Variants in ARSD observed in about 807,000 individuals in gnomAD.
ARSD encodes the protein testis tissue sperm-binding protein Li 39a.
In ARSD, 21 loss-of-function variants were observed where a neutral mutation model predicts 32.6. The observed-to-expected ratio is 0.64, with a 90% confidence interval of 0.46 to 0.93. The LOEUF is 0.93. ARSD is among the 40% of genes least tolerant of loss of function. ARSD has a pLI of 0.00. For synonymous variants in ARSD, 224 were observed against 237.4 expected, an observed-to-expected ratio of 0.94 and a Z score of 0.52; for missense variants, 454 against 520.9, an observed-to-expected ratio of 0.87 and a Z score of 1.25.
At chrX:2,909,775 A>G (rs2088886334) in intron 8 of ARSD, 42 bp downstream of exon 8, 1 of 1,125,499 alleles carries the variant, frequency 8.9e-7, no homozygotes, top group Non-Finnish European at 1.2e-6. Flanking sequence ...ACTAAAAACA[A>G]TTAAAAAAAA....
In ARSD at chrX:2,926,739, C is replaced by T. The variant is rs368882361; in HGVS notation, c.45-974G>A. ...GTTCATCTGAGCTAACAAAGTCTCC[C>T]GTGCTTTAACCCTGTAAGAAAAGTA... On this transcript the variant is annotated intron_variant, in intron 1 of 9. Coordinates refer to ENST00000381154, the MANE Select transcript of ARSD (RefSeq NM_001669.4). Among the ~76,000 whole-genome samples the T allele has an allele frequency of 1.9e-4, 21 of 112,281 alleles. No homozygotes were observed. The East Asian group carries it at 5.6e-3, about 30-fold the overall frequency.
Position 2,904,951 on chromosome X carries a change from T to C in ARSD, c.*2320A>G. On this transcript the variant is annotated 3_prime_UTR_variant, in exon 10 of 10. Transcript: ENST00000381154. ...TTTTTTGGTTATGCCAGGTGTCTCC[T>C]GTGTGTCCCTCCAGATCCCTCTCCA... The C allele has an allele frequency of 3.1e-6, 1 of 321,723 alleles. No individual in the cohort carries two copies. Among genetic ancestry groups the C allele is most frequent in the Non-Finnish European group, 6.1e-6 (1 of 162,718 alleles). The allele number at this position is 321,723 out of a possible 1,213,427, so 26.5% of individuals were successfully genotyped here.
intron 5 of ARSD, among the ~76,000 whole-genome samples, chrX:2,917,291 C>A (rs1405435114): frequency 3.1e-4 from 34 of 109,335 alleles, no homozygotes; most frequent in Non-Finnish European, 5.3e-4. Flanking sequence ...GCGTGTATGT[C>A]AATGCTATTC....
At chrX:2,908,462 A>G (rs2088872595) in intron 9 of ARSD, among the ~76,000 whole-genome samples, 1 of 104,475 alleles carries the variant, frequency 9.6e-6, no homozygotes, top group Non-Finnish European at 2.0e-5. Flanking sequence ...TTATCTATCC[A>G]TCATCCATCT....
At chrX:2,914,656 G>C in intron 6 of ARSD, 3 of 1,027,003 alleles carry the variant, frequency 2.9e-6, no homozygotes, top group Non-Finnish European at 3.9e-6. Flanking sequence ...CAGCCTCACT[G>C]GTCCTCTCCA....
In ARSD at chrX:2,921,963, C is replaced by T. The variant is rs772412380; in HGVS notation, c.256G>A (p.Ala86Thr). The T allele has an allele frequency of 5.0e-6, 6 of 1,209,187 alleles. No homozygotes were observed. The highest frequency in any genetic ancestry group is 4.4e-5 in the Admixed American group (2 of 45,630). The part of the protein sequence containing the change: ...GVRLTQHLAA[A>T]PLCTPSRAAF... ...GCTCGGCTTGGGGTGCAGAGCGGGGCGGCCGCCAGGTGCTGAGTGAGCCTC... is the reference window on the plus strand; with the variant it reads ...GCTCGGCTTGGGGTGCAGAGCGGGGTGGCCGCCAGGTGCTGAGTGAGCCTC... Residue 86 changes from alanine (A) to threonine (T), a missense_variant, in exon 3 of 10, where the codon GCC becomes ACC. By Grantham distance (58) the Ala-to-Thr change is moderately conservative. This residue lies in a region of ARSD where 271 missense variants were observed against 301.0 expected (regional missense o/e 0.90). Transcript: ENST00000381154.
In ARSD at chrX:2,907,459, CG is replaced by C. The variant is rs780309524; in HGVS notation, c.1593del (p.Asp532ThrfsTer9). ...ACGGCGTGGTACAGGGGCTCGGAGT[CG>C]GGGGTCAGGGGCCGTGCCTCGGAGG... ...RDPSEARPLT[P>X]DSEPLYHAVI... is the part of the protein sequence containing the mutation. On this transcript the variant is annotated frameshift_variant, in exon 10 of 10. Coordinates refer to ENST00000381154, the MANE Select transcript of ARSD (RefSeq NM_001669.4). LOFTEE classifies it low-confidence loss of function (END_TRUNC). 2 of 1,210,061 alleles carry C rather than the reference CG, an allele frequency of 1.7e-6. No individual in the cohort carries two copies. Among genetic ancestry groups the C allele is most frequent in the Non-Finnish European group, 2.2e-6 (2 of 894,610 alleles).
Position 2,918,517 on chromosome X carries a change from G to A in ARSD, c.440-290C>T, listed in dbSNP as rs2088996134. 4.5e-5 allele frequency among the ~76,000 whole-genome samples: 5 copies of A among 111,648 alleles called. No individual in the cohort carries two copies. In the South Asian group the frequency reaches 1.9e-3, roughly 42 times the overall value. On this transcript the variant is annotated intron_variant, in intron 4 of 9. Transcript: ENST00000381154. ...TGTAATCCCAGCCCTTTGGGAGGCCGAGGCGGGCGGATCACGAGGTCAGGA... is the reference window on the plus strand; with the variant it reads ...TGTAATCCCAGCCCTTTGGGAGGCCAAGGCGGGCGGATCACGAGGTCAGGA...
chrX:2,925,948 G>A (rs2089078999), intron 1 of ARSD, among the ~76,000 whole-genome samples, 183 bp from the exon 2 acceptor site: 1 of 111,718 alleles, frequency 9.0e-6, no homozygotes, highest in Non-Finnish European at 1.9e-5. Context: ...CCGAGGGTCA[G>A]ACTGCTATTT....
At chrX:2,927,786 C>G (rs2089099122) in intron 1 of ARSD, among the ~76,000 whole-genome samples, 1 of 107,482 alleles carries the variant, frequency 9.3e-6, no homozygotes, top group Admixed American at 9.8e-5. Context: ...GATGTTTGCA[C>G]AGGAGTGTGA....
chrX:2,929,195 G>A (rs1227889842), intron 1 of ARSD, 37 bp downstream of exon 1: 1 of 1,032,254 alleles, frequency 9.7e-7, no homozygotes. Flanking sequence ...CCCCACCCTA[G>A]GCCTTAGTAT....
rs9334 is a variant in ARSD at position 2,904,212 on chromosome X, C to T, written c.*3059G>A. The stretch of plus-strand genomic sequence containing the variant: ...CACCTCATGGCTCTGGGAAGGCATG[C>T]TGAGACCCGTTTTTGCAAGTCCTGA... On this transcript the variant is annotated 3_prime_UTR_variant, in exon 10 of 10. Transcript: ENST00000381154. 0.16 allele frequency: 17,813 copies of T among 110,660 alleles called. 2,094 individuals carry two copies. The highest frequency in any genetic ancestry group is 0.43 in the East Asian group (1,485 of 3,434). 9.1% of individuals were successfully genotyped at this position (110,660 alleles called of 1,213,427 possible).
At position 2,925,610 on chromosome X, in the gene ARSD, C is replaced by T; in HGVS notation, c.194+6G>A. The T allele has an allele frequency of 1.7e-6, 2 of 1,205,319 alleles. No homozygotes were observed. Among genetic ancestry groups the T allele is most frequent in the Non-Finnish European group, 2.2e-6 (2 of 892,661 alleles). Reference sequence around the variant, plus strand: ...CATCATCACCAATAGCAACAACCAACTGTACCTCAGTGTATTGTTCCCGTA... The same window carrying T: ...CATCATCACCAATAGCAACAACCAATTGTACCTCAGTGTATTGTTCCCGTA... On this transcript the variant is annotated splice_donor_region_variant and intron_variant, in intron 2 of 9. Coordinates refer to ENST00000381154, the MANE Select transcript of ARSD (RefSeq NM_001669.4).
chrX:2,904,934 T>C lies in ARSD; in HGVS notation c.*2337A>G. 7.3e-6 allele frequency: 2 copies of C among 273,618 alleles called. No homozygotes were observed. Among genetic ancestry groups the C allele is most frequent in the Non-Finnish European group, 1.4e-5 (2 of 142,698 alleles). The allele number at this position is 273,618 out of a possible 1,213,427, so 22.5% of individuals were successfully genotyped here. The stretch of plus-strand genomic sequence containing the variant: ...TTTTTTTTTTTTAATCATTTTTTGG[T>C]TATGCCAGGTGTCTCCTGTGTGTCC... On this transcript the variant is annotated 3_prime_UTR_variant, in exon 10 of 10. Transcript: ENST00000381154.
At chrX:2,920,828 C>A in intron 3 of ARSD, 105 bp from the exon 4 acceptor site, 1 of 1,002,035 alleles carries the variant, frequency 1.0e-6, no homozygotes, top group Non-Finnish European at 1.4e-6. Context: ...GCACCCGAGC[C>A]AGGCTGCTAT....
chrX:2,918,848 C>G (rs2089001968), intron 4 of ARSD, among the ~76,000 whole-genome samples: 1 of 111,991 alleles, frequency 8.9e-6, no homozygotes, highest in African/African-American at 3.2e-5. Flanking sequence ...GTATAAAGCA[C>G]TGGCCCTGTA....
intron 4 of ARSD, among the ~76,000 whole-genome samples, chrX:2,918,818 G>A (rs1216731022): frequency 9.0e-6 from 1 of 111,572 alleles, no homozygotes; most frequent in Non-Finnish European, 1.9e-5. Flanking sequence ...CTCAGAGTAG[G>A]AGACACACAG....
At chrX:2,913,981 C>T (rs1432390355) in intron 6 of ARSD, 3 of 337,375 alleles carry the variant, frequency 8.9e-6, no homozygotes, top group Non-Finnish European at 1.2e-5. Context: ...GCTCCCCCTT[C>T]GCCTTCCACC....
At chrX:2,920,556 A>G in intron 4 of ARSD, 45 bp downstream of exon 4, 9 of 1,208,969 alleles carry the variant, frequency 7.4e-6, no homozygotes, top group South Asian at 1.8e-5. Context: ...TTTATCACGA[A>G]TATTCCCAAC....
Sources: gnomAD v4.1 joint callset for allele counts (sites outside exome capture counted in the v4.1 genomes callset) on GRCh38, gnomAD v4.1.1 for gene constraint, gnomAD v4.1.1 regional missense constraint, MANE v1.5 for transcripts, NCBI Gene and HGNC (gene_info 2026-07-23, HGNC 2026-07-21) for gene names.